HSD17B3: variants seen among roughly 807,000 people sequenced by gnomAD.
The protein encoded by HSD17B3 is 17-beta-hydroxysteroid dehydrogenase type 3.
In HSD17B3, 29 loss-of-function variants were observed where a neutral mutation model predicts 41.1. The observed-to-expected ratio is 0.71, with a 90% CI of 0.53 to 0.96. The LOEUF (loss-of-function observed/expected upper bound fraction) is 0.96, where lower values mean the gene tolerates loss of function less well. HSD17B3 is among the 40% of genes least tolerant of loss of function. HSD17B3 has a pLI of 0.00. For synonymous variants in HSD17B3, 126 were observed against 145.6 expected, an observed-to-expected ratio of 0.87 and a Z score of 0.97; for missense variants, 323 against 374.6, an observed-to-expected ratio of 0.86 and a Z score of 1.14.
At chr9:96,270,042 C>T (rs1826182641) in intron 2 of HSD17B3, among the ~76,000 whole-genome samples, 1 of 151,340 alleles carries the variant, frequency 6.6e-6, no homozygotes, top group South Asian at 2.1e-4. Context: ...TGTTAAAAAG[C>T]AAGGAGATTA....
At chr9:96,255,785 C>G (rs1825628522) in intron 2 of HSD17B3, among the ~76,000 whole-genome samples, 1 of 152,162 alleles carries the variant, frequency 6.6e-6, no homozygotes, top group Admixed American at 6.5e-5. Context: ...TGAGTCCCAA[C>G]AGAAGAGAAA....
At chr9:96,242,007 G>GAAAGAA (rs1491116903) in intron 9 of HSD17B3, among the ~76,000 whole-genome samples, 2 of 91,766 alleles carry the variant, frequency 2.2e-5, no homozygotes, top group Non-Finnish European at 4.6e-5. Context: ...GAAAGAAAGA[G>GAAAGAA]AAAGAAAAGA....
intron 1 of HSD17B3, among the ~76,000 whole-genome samples, chr9:96,298,937 C>G (rs1439187676): frequency 6.6e-6 from 1 of 151,922 alleles, no homozygotes; most frequent in Non-Finnish European, 1.5e-5. Context: ...CACCCCCACC[C>G]CACAGCAGCA....
chr9:96,297,341 C>CTTTTTTTTTTTTTTTTTTTTTTTTT (rs71368242), intron 2 of HSD17B3, among the ~76,000 whole-genome samples: 1 of 73,576 alleles, frequency 1.4e-5, no homozygotes, highest in Non-Finnish European at 2.5e-5. Flanking sequence ...TTATTGATTT[C>CTTTTTTTTTTTTTTTTTTTTTTTTT]TTTTTTTTTT....
intron 10 of HSD17B3, among the ~76,000 whole-genome samples, chr9:96,238,318 C>T (rs1479911575): frequency 6.6e-6 from 1 of 152,066 alleles, no homozygotes; most frequent in East Asian, 1.9e-4. Context: ...GAAGGGATGC[C>T]ATCCCCACTG....
At chr9:96,236,100 A>G (rs1836229216) in intron 10 of HSD17B3, among the ~76,000 whole-genome samples, 1 of 150,696 alleles carries the variant, frequency 6.6e-6, no homozygotes, top group South Asian at 2.1e-4. Flanking sequence ...GTGAGCCACC[A>G]TGCCCGGTCT....
chr9:96,285,861 G>C (rs994385355), intron 2 of HSD17B3, among the ~76,000 whole-genome samples: 3 of 152,144 alleles, frequency 2.0e-5, no homozygotes, highest in Non-Finnish European at 4.4e-5. Context: ...TAGGATTAAG[G>C]GTTCTCTTAT....
At chr9:96,286,498 G>A (rs534541652) in intron 2 of HSD17B3, among the ~76,000 whole-genome samples, 6 of 152,072 alleles carry the variant, frequency 3.9e-5, no homozygotes, top group South Asian at 2.1e-4. Context: ...ATACCAACCC[G>A]GCCAATATGG....
At chr9:96,269,790 G>C (rs539365730) in intron 2 of HSD17B3, among the ~76,000 whole-genome samples, 1 of 151,688 alleles carries the variant, frequency 6.6e-6, no homozygotes, top group Non-Finnish European at 1.5e-5. Context: ...TGTAATCCCA[G>C]CTATTCGGGA....
At chr9:96,240,139 AG>A (rs1836379221) in intron 10 of HSD17B3, among the ~76,000 whole-genome samples, 1 of 152,224 alleles carries the variant, frequency 6.6e-6, no homozygotes, top group African/African-American at 2.4e-5. Flanking sequence ...CTTAAAACCT[AG>A]ATGACGGGTT....
At chr9:96,298,655 GGGTTGGTTGGTTGGTTGGTTTGTT>G (rs1281143089) in intron 1 of HSD17B3, among the ~76,000 whole-genome samples, 193 bp from the exon 2 acceptor site, 1 of 151,974 alleles carries the variant, frequency 6.6e-6, no homozygotes, top group Non-Finnish European at 1.5e-5. Context: ...GTTGGTGGGT[GGGTTGGTTGGTTGGTTGGTTTGTT>G]GGTTGGTTGG....
intron 3 of HSD17B3, 94 bp from the exon 4 acceptor site, chr9:96,253,004 GA>G (rs1825488862): frequency 1.2e-6 from 1 of 810,450 alleles, no homozygotes; most frequent in African/African-American, 1.7e-5. Flanking sequence ...TACCTGAGCA[GA>G]CATTGAAGAG....
intron 2 of HSD17B3, 66 bp downstream of exon 2, chr9:96,298,350 G>T: frequency 8.2e-7 from 1 of 1,218,736 alleles, no homozygotes; most frequent in Non-Finnish European, 1.2e-6. Flanking sequence ...TAGTGTTGGG[G>T]TGGATGTCTC....
intron 2 of HSD17B3, among the ~76,000 whole-genome samples, chr9:96,261,473 G>C (rs931259016): frequency 6.6e-6 from 1 of 152,202 alleles, no homozygotes; most frequent in African/African-American, 2.4e-5. Context: ...GGGATTACAG[G>C]CATGAGCCAC....
chr9:96,254,825 G>T, intron 3 of HSD17B3, 43 bp downstream of exon 3: 2 of 1,535,956 alleles, frequency 1.3e-6, no homozygotes, highest in Non-Finnish European at 1.8e-6. Flanking sequence ...AGGCTTGGTT[G>T]GAGGGCTCCA....
At chr9:96,238,611 A>G (rs1434917328) in intron 10 of HSD17B3, among the ~76,000 whole-genome samples, 1 of 152,028 alleles carries the variant, frequency 6.6e-6, no homozygotes, top group Non-Finnish European at 1.5e-5. Flanking sequence ...GCAGTGAGCC[A>G]AGATCGCACC....
At chr9:96,241,693 G>C (rs1182851911) in intron 9 of HSD17B3, among the ~76,000 whole-genome samples, 1 of 152,206 alleles carries the variant, frequency 6.6e-6, no homozygotes, top group Non-Finnish European at 1.5e-5. Context: ...CCAGCATGTT[G>C]GGAGGCCAAG....
At chr9:96,287,637 G>A (rs1447000900) in intron 2 of HSD17B3, among the ~76,000 whole-genome samples, 1 of 152,108 alleles carries the variant, frequency 6.6e-6, no homozygotes, top group Admixed American at 6.5e-5. Flanking sequence ...TTGAACCCGG[G>A]AGGCAGAGGT....
At chr9:96,281,533 G>T (rs1341923447) in intron 2 of HSD17B3, among the ~76,000 whole-genome samples, 1 of 152,116 alleles carries the variant, frequency 6.6e-6, no homozygotes, top group Non-Finnish European at 1.5e-5. Context: ...TATTTAGGGG[G>T]TTAAAGTCCC....
Sources: allele counts gnomAD v4.1 joint callset (sites outside exome capture counted in the v4.1 genomes callset), GRCh38; gene constraint gnomAD v4.1.1; transcripts MANE v1.5; gene names NCBI Gene and HGNC (gene_info 2026-07-23, HGNC 2026-07-21).